The following CFH variants were observed in gnomAD, a reference collection of about 807,000 sequenced individuals.
The protein encoded by CFH is H factor 1 (complement).
In CFH, 53 loss-of-function variants were observed where a neutral mutation model predicts 147.3. That is an observed-to-expected ratio of 0.36 (90% confidence interval 0.29 to 0.45). The LOEUF (loss-of-function observed/expected upper bound fraction) is 0.45. Ranked by LOEUF, CFH falls within the 20% of genes least tolerant of loss-of-function variation. The probability of loss-of-function intolerance (pLI) is 1.00; values close to 1 mark genes in which losing one functional copy is unlikely to be tolerated. For synonymous variants in CFH, 536 were observed against 489.4 expected (o/e 1.10, Z -1.26); for missense variants, 1,380 against 1,498.0 (o/e 0.92, Z 1.30).
chr1:196,687,130 A>G (rs936633861), intron 7 of CFH, among the ~76,000 whole-genome samples: 10 of 152,122 alleles, frequency 6.6e-5, no homozygotes, highest in Non-Finnish European at 1.3e-4. Flanking sequence ...ACTTGGGTCA[A>G]ATAAATTACA....
chr1:196,689,305 G>A (rs1667942481), intron 7 of CFH, 115 bp from the exon 8 acceptor site: 1 of 972,918 alleles, frequency 1.0e-6, no homozygotes. Flanking sequence ...AACCCTAATG[G>A]AATGTGTAAT....
chr1:196,658,547 G>A (rs1446129177), intron 1 of CFH, among the ~76,000 whole-genome samples: 3 of 151,498 alleles, frequency 2.0e-5, no homozygotes, highest in African/African-American at 7.3e-5. Flanking sequence ...GAGTAGCTGG[G>A]ACTACAGGCA....
chr1:196,658,760 G>C (rs1324761752), intron 1 of CFH, among the ~76,000 whole-genome samples: 1 of 152,034 alleles, frequency 6.6e-6, no homozygotes, highest in Non-Finnish European at 1.5e-5. Context: ...TGTAGAGACA[G>C]GGTTTCACCA....
At chr1:196,731,675 A>G (rs959259666) in intron 15 of CFH, among the ~76,000 whole-genome samples, 28 of 151,960 alleles carry the variant, frequency 1.8e-4, no homozygotes, top group African/African-American at 5.8e-4. Flanking sequence ...CTTGTAAGGC[A>G]GGAAAGTGTC....
At chr1:196,667,748 T>C (rs116272947) in intron 1 of CFH, among the ~76,000 whole-genome samples, 2,982 of 152,230 alleles carry the variant, frequency 0.02, 45 homozygotes, top group Middle Eastern at 0.028. Flanking sequence ...TCAATTTTTC[T>C]CTCTTCTTTT....
In CFH at chr1:196,679,751, G is replaced by A; in HGVS notation, c.748G>A (p.Val250Ile). ...GYEYSERGDA[V>I]CTESGWRPLP... The stretch of plus-strand genomic sequence containing the variant: ...TGAATACAGTGAAAGAGGAGATGCT[G>A]TATGCACTGAATCTGGATGGCGTCC... The change falls in exon 6 of 22, where the codon GTA becomes ATA. Residue 250 changes from valine (V) to isoleucine (I), a missense_variant. Transcript: ENST00000367429. 6.2e-7 allele frequency: 1 copy of A among 1,611,820 alleles called. No homozygotes were observed. The highest frequency in any genetic ancestry group is 8.5e-7 in the Non-Finnish European group (1 of 1,178,558).
intron 9 of CFH, among the ~76,000 whole-genome samples, chr1:196,692,822 C>CTTTTTTTT (rs1367433142): frequency 4.4e-5 from 1 of 22,516 alleles, no homozygotes; most frequent in African/African-American, 1.7e-4. Flanking sequence ...TTCTTTCTTT[C>CTTTTTTTT]TCTTTCCTTC....
intron 2 of CFH, 179 bp downstream of exon 2, chr1:196,673,342 A>G: frequency 6.4e-6 from 4 of 625,134 alleles, no homozygotes; most frequent in Non-Finnish European, 1.1e-5. Context: ...GCTGCAGTGC[A>G]GTGGCGCAAT....
chr1:196,672,977 G>A lies in CFH; in HGVS notation c.59-1G>A, dbSNP rs140560017. The stretch of plus-strand genomic sequence containing the variant: ...ACTTATTTTGTTTTTATTGTTTGTA[G>A]ATTGCAATGAACTTCCTCCAAGAAG... On this transcript the variant is annotated splice_acceptor_variant, in intron 1 of 21. Transcript: ENST00000367429. LOFTEE classifies it high-confidence loss of function. 1 of 1,613,278 alleles carries A rather than the reference G, an allele frequency of 6.2e-7. No individual in the cohort carries two copies. Among genetic ancestry groups the A allele is most frequent in the Non-Finnish European group, 8.5e-7 (1 of 1,179,406 alleles).
At chr1:196,717,036 T>A (rs573631509) in intron 11 of CFH, among the ~76,000 whole-genome samples, 31 of 151,794 alleles carry the variant, frequency 2.0e-4, no homozygotes, top group Middle Eastern at 3.4e-3. Context: ...CATTTATATA[T>A]AAGACAGAAG....
At position 196,714,668 on chromosome 1, in the gene CFH, TAGAGAGAGAGAGAG is replaced by T. The variant is rs1205328020; in HGVS notation, c.1519+789_1519+802del. Among the ~76,000 whole-genome samples, 78 of 21,278 alleles carry T rather than the reference TAGAGAGAGAGAGAG, an allele frequency of 3.7e-3. 1 individual carries two copies. The highest frequency in any genetic ancestry group is 6.9e-3 in the South Asian group (2 of 290). 14.0% of individuals were successfully genotyped at this position (21,278 alleles called of 152,430 possible). ...ATATATATATATATATATATATATA[TAGAGAGAGAGAGAG>T]AGAGAGAGAGAGAGAGAGAGAGAGA... is the stretch of plus-strand genomic sequence containing the variant. On this transcript the variant is annotated intron_variant, in intron 10 of 21. Transcript: ENST00000367429.
intron 9 of CFH, among the ~76,000 whole-genome samples, chr1:196,693,276 T>C (rs895569626): frequency 1.3e-5 from 2 of 152,218 alleles, no homozygotes; most frequent in African/African-American, 4.8e-5. Flanking sequence ...TAGTTTCCTT[T>C]AAAATAGTCA....
intron 9 of CFH, among the ~76,000 whole-genome samples, chr1:196,694,532 G>T (rs1573034202): frequency 1.3e-5 from 2 of 152,194 alleles, no homozygotes; most frequent in East Asian, 3.9e-4. Flanking sequence ...TAATGGGATT[G>T]CTGGGTCAAA....
chr1:196,733,773 A>T (rs1037838670), intron 15 of CFH, among the ~76,000 whole-genome samples: 6 of 152,058 alleles, frequency 3.9e-5, no homozygotes, highest in African/African-American at 1.4e-4. Flanking sequence ...ATGTACCTGG[A>T]TGTATCACTG....
intron 9 of CFH, chr1:196,700,973 T>A: frequency 1.9e-6 from 1 of 521,016 alleles, no homozygotes; most frequent in Non-Finnish European, 2.5e-6. Flanking sequence ...AGAGGTCTTG[T>A]GGCCTCTTTG....
intron 15 of CFH, among the ~76,000 whole-genome samples, chr1:196,728,996 A>T (rs182460635): frequency 3.3e-5 from 5 of 152,136 alleles, no homozygotes; most frequent in Admixed American, 2.6e-4. Flanking sequence ...TCATCTATTT[A>T]TCTATTAATT....
At chr1:196,702,649 G>C (rs1311684732) in intron 9 of CFH, among the ~76,000 whole-genome samples, 1 of 152,014 alleles carries the variant, frequency 6.6e-6, no homozygotes, top group East Asian at 1.9e-4. Context: ...GAGAAACAAA[G>C]AATGGTTTTA....
chr1:196,716,798 T>G (rs1308294023), intron 11 of CFH, among the ~76,000 whole-genome samples: 2 of 152,130 alleles, frequency 1.3e-5, no homozygotes, highest in Non-Finnish European at 2.9e-5. Flanking sequence ...TGGTACTGAC[T>G]GGATAGAATG....
chr1:196,684,679 C>A (rs1024275348), intron 6 of CFH, among the ~76,000 whole-genome samples: 8 of 151,970 alleles, frequency 5.3e-5, no homozygotes, highest in Non-Finnish European at 8.8e-5. Flanking sequence ...GCAGTCCTAT[C>A]AATTGTCCAG....
Sources: allele counts gnomAD v4.1 joint callset (sites outside exome capture counted in the v4.1 genomes callset), GRCh38; gene constraint gnomAD v4.1.1; transcripts MANE v1.5; gene names NCBI Gene and HGNC (gene_info 2026-07-23, HGNC 2026-07-21).